The following CHRM3 variants were observed in gnomAD, a reference collection of about 807,000 sequenced individuals.
CHRM3 encodes the protein muscarinic acetylcholine receptor M3.
A neutral mutation model predicts 41.8 loss-of-function variants in CHRM3; 11 were observed. The observed-to-expected ratio is 0.26, with a 90% confidence interval of 0.17 to 0.44. The LOEUF is 0.44. CHRM3 is among the 20% of genes least tolerant of loss of function. The probability of loss-of-function intolerance (pLI) is 1.00; values close to 1 mark genes in which losing one functional copy is unlikely to be tolerated. For synonymous variants in CHRM3, 297 were observed against 301.4 expected, an observed-to-expected ratio of 0.99 and a Z score of 0.15; for missense variants, 571 against 745.4, an observed-to-expected ratio of 0.77 and a Z score of 2.72.
At chr1:239,658,167 T>A (rs1158195305) in intron 4 of CHRM3, among the ~76,000 whole-genome samples, 1 of 152,226 alleles carries the variant, frequency 6.6e-6, no homozygotes, top group Non-Finnish European at 1.5e-5. Context: ...TCTTTTAATC[T>A]GAGTGACTGA....
intron 4 of CHRM3, among the ~76,000 whole-genome samples, chr1:239,634,730 T>C (rs1670274639): frequency 6.6e-6 from 1 of 152,128 alleles, no homozygotes; most frequent in African/African-American, 2.4e-5. Context: ...ATGAAATTTC[T>C]TTCCGAAGAA....
chr1:239,751,238 CAA>C lies in CHRM3; in HGVS notation c.-147+72966_-147+72967del, dbSNP rs11298801. On this transcript the variant is annotated intron_variant, in intron 5 of 6. Transcript: ENST00000676153. Reference sequence around the variant, plus strand: ...GGATGACAAGAGTGAAACTTCATCTCAAAAAAAAAAAAAAAAAGGAGAAAAGG... The same window carrying C: ...GGATGACAAGAGTGAAACTTCATCTCAAAAAAAAAAAAAAAGGAGAAAAGG... 7.8e-3 allele frequency among the ~76,000 whole-genome samples: 557 copies of C among 70,956 alleles called. 4 individuals carry two copies. Among genetic ancestry groups the C allele is most frequent in the African/African-American group, 0.023 (520 of 22,618 alleles). 46.5% of individuals were successfully genotyped at this position (70,956 alleles called of 152,430 possible).
At chr1:239,813,363 G>T (rs1307388500) in intron 5 of CHRM3, among the ~76,000 whole-genome samples, 1 of 152,072 alleles carries the variant, frequency 6.6e-6, no homozygotes, top group African/African-American at 2.4e-5. Context: ...TATATTAATG[G>T]TTCTAAGAAA....
intron 5 of CHRM3, among the ~76,000 whole-genome samples, chr1:239,802,523 T>A (rs958828774): frequency 6.6e-6 from 1 of 152,194 alleles, no homozygotes; most frequent in African/African-American, 2.4e-5. Context: ...TAAAACAGTA[T>A]ATCACATTTG....
chr1:239,822,978 G>T (rs1282380398), intron 5 of CHRM3, among the ~76,000 whole-genome samples: 1 of 152,084 alleles, frequency 6.6e-6, no homozygotes, highest in East Asian at 1.9e-4. Flanking sequence ...CTAAAACCCT[G>T]GTCTTCAAAG....
chr1:239,393,866 T>C (rs185494525), intron 1 of CHRM3, among the ~76,000 whole-genome samples: 25 of 152,324 alleles, frequency 1.6e-4, no homozygotes, highest in African/African-American at 5.3e-4. Context: ...TAAGTAAATA[T>C]ATAATAAATA....
At chr1:239,906,412 T>G (rs1208782069) in intron 6 of CHRM3, among the ~76,000 whole-genome samples, 1 of 152,188 alleles carries the variant, frequency 6.6e-6, no homozygotes, top group Non-Finnish European at 1.5e-5. Context: ...GATTGAGGAA[T>G]GATTTGCTTA....
At chr1:239,504,016 T>C (rs943318208) in intron 2 of CHRM3, among the ~76,000 whole-genome samples, 20 of 152,156 alleles carry the variant, frequency 1.3e-4, no homozygotes, top group African/African-American at 4.6e-4. Flanking sequence ...GCAAGGATTT[T>C]ATGGCCAAGA....
intron 5 of CHRM3, among the ~76,000 whole-genome samples, chr1:239,763,032 T>G (rs1053891880): frequency 2.0e-5 from 3 of 151,780 alleles, no homozygotes; most frequent in Admixed American, 2.0e-4. Flanking sequence ...AGCACCAGAA[T>G]ATATAGGGTT....
At chr1:239,817,815 C>T (rs1321071951) in intron 5 of CHRM3, among the ~76,000 whole-genome samples, 4 of 152,092 alleles carry the variant, frequency 2.6e-5, no homozygotes, top group African/African-American at 9.7e-5. Context: ...TACTGTCCAC[C>T]ACCCTCTCAC....
At chr1:239,624,667 G>T in intron 3 of CHRM3, among the ~76,000 whole-genome samples, 1 of 141,454 alleles carries the variant, frequency 7.1e-6, no homozygotes, top group Admixed American at 7.1e-5. Context: ...ATCTTGAATT[G>T]ATTTTTGTAT....
chr1:239,541,428 G>C (rs1168962580), intron 2 of CHRM3, among the ~76,000 whole-genome samples: 1 of 152,160 alleles, frequency 6.6e-6, no homozygotes, highest in Non-Finnish European at 1.5e-5. Context: ...ATTTTATTTT[G>C]TGCATATTTC....
intron 5 of CHRM3, among the ~76,000 whole-genome samples, chr1:239,800,763 G>A (rs774632375): frequency 1.3e-5 from 2 of 152,012 alleles, no homozygotes; most frequent in Non-Finnish European, 2.9e-5. Context: ...TTTTCCTACA[G>A]CATCAAATAT....
intron 1 of CHRM3, among the ~76,000 whole-genome samples, chr1:239,464,015 G>A (rs1397719323): frequency 6.6e-6 from 1 of 152,050 alleles, no homozygotes; most frequent in East Asian, 1.9e-4. Flanking sequence ...GGTGGCTCAC[G>A]CCTGTAATCT....
intron 6 of CHRM3, among the ~76,000 whole-genome samples, chr1:239,868,315 T>G (rs1321142356): frequency 6.6e-6 from 1 of 152,204 alleles, no homozygotes; most frequent in African/African-American, 2.4e-5. Flanking sequence ...ATGTTGATTT[T>G]ACAGCTGTCA....
chr1:239,582,328 A>T (rs1316398987), intron 3 of CHRM3, among the ~76,000 whole-genome samples: 4 of 152,186 alleles, frequency 2.6e-5, no homozygotes, highest in Non-Finnish European at 5.9e-5. Context: ...TCTCATGTAA[A>T]AAAGAATCTT....
chr1:239,880,283 C>G (rs960340318), intron 6 of CHRM3, among the ~76,000 whole-genome samples: 5 of 152,174 alleles, frequency 3.3e-5, no homozygotes, highest in African/African-American at 1.2e-4. Flanking sequence ...CTGTGATACC[C>G]AAAGGTCATC....
At chr1:239,697,625 G>C (rs1392605840) in intron 5 of CHRM3, among the ~76,000 whole-genome samples, 1 of 152,114 alleles carries the variant, frequency 6.6e-6, no homozygotes, top group East Asian at 1.9e-4. Flanking sequence ...CAGCAAAGGA[G>C]GAAGAATTCA....
At chr1:239,676,953 G>C (rs1490022131) in intron 4 of CHRM3, among the ~76,000 whole-genome samples, 1 of 152,184 alleles carries the variant, frequency 6.6e-6, no homozygotes, top group Non-Finnish European at 1.5e-5. Context: ...AGCCCCCACT[G>C]GGGCAGCTTT....
Sources: allele counts gnomAD v4.1 joint callset (sites outside exome capture counted in the v4.1 genomes callset), GRCh38; gene constraint gnomAD v4.1.1; transcripts MANE v1.5; gene names NCBI Gene and HGNC (gene_info 2026-07-23, HGNC 2026-07-21).